The following MEP1A variants were observed in gnomAD, a reference collection of about 807,000 sequenced individuals.
MEP1A encodes the protein meprin A subunit alpha.
Under a neutral mutation model 84.5 loss-of-function variants are expected in MEP1A, and 68 were observed. The ratio of observed to expected loss-of-function variants is 0.80; its 90% confidence interval spans 0.66 to 0.98. The LOEUF is 0.98. MEP1A is among the 50% of genes least tolerant of loss of function. The probability of loss-of-function intolerance (pLI) is 0.00; values close to 1 mark genes in which losing one functional copy is unlikely to be tolerated. For missense variants in MEP1A, 887 were observed against 919.9 expected, an observed-to-expected ratio of 0.96 and a Z score of 0.46; for synonymous variants, 337 against 336.8, an observed-to-expected ratio of 1.00 and a Z score of -0.01.
chr6:46,807,582 AAGGAAGG>A (rs1767369083), intron 5 of MEP1A, among the ~76,000 whole-genome samples: 10 of 83,444 alleles, frequency 1.2e-4, no homozygotes, highest in African/African-American at 5.5e-4. Flanking sequence ...GGAAGGAAGG[AAGGAAGG>A]AAGGAAGGAA....
intron 10 of MEP1A, among the ~76,000 whole-genome samples, chr6:46,831,172 A>C (rs1219779177): frequency 6.6e-6 from 1 of 152,182 alleles, no homozygotes; most frequent in Non-Finnish European, 1.5e-5. Context: ...GAAACTTTTC[A>C]AAAAGGTTAG....
Position 46,825,265 on chromosome 6 carries a change from C to T in MEP1A, c.557-7C>T. On this transcript the variant is annotated splice_polypyrimidine_tract_variant and splice_region_variant and intron_variant, in intron 7 of 13. Transcript: ENST00000230588. ...TGAGAAGGACCTGTGGATTCTCTCC[C>T]TAACAGGTTACCAGCACAACTTTGA... 6.3e-7 allele frequency: 1 copy of T among 1,596,896 alleles called. No individual in the cohort carries two copies. The highest frequency in any genetic ancestry group is 1.7e-5 in the Admixed American group (1 of 59,170).
intron 5 of MEP1A, 55 bp from the exon 6 acceptor site, chr6:46,809,365 A>C: frequency 9.1e-7 from 1 of 1,096,172 alleles, no homozygotes; most frequent in Non-Finnish European, 1.4e-6. Flanking sequence ...TATAAGTTAT[A>C]GATATTATCT....
chr6:46,808,641 A>G (rs1211582441), intron 5 of MEP1A, among the ~76,000 whole-genome samples: 1 of 152,042 alleles, frequency 6.6e-6, no homozygotes, highest in Non-Finnish European at 1.5e-5. Flanking sequence ...TTACAATGCC[A>G]AAGTGCATGC....
chr6:46,818,264 A>G (rs1223248366), intron 6 of MEP1A, among the ~76,000 whole-genome samples: 1 of 152,174 alleles, frequency 6.6e-6, no homozygotes, highest in Non-Finnish European at 1.5e-5. Context: ...TTATTAGAAA[A>G]TAAATAACTA....
At chr6:46,844,959 T>C in the MEP1A span, among the ~76,000 whole-genome samples, 1 of 152,150 alleles carries the variant, frequency 6.6e-6, no homozygotes, top group Non-Finnish European at 1.5e-5. Flanking sequence ...AGCTGATGTT[T>C]TTAAAGTGTG....
At chr6:46,842,625 G>A (rs1281999211), downstream of MEP1A, among the ~76,000 whole-genome samples, 1 of 152,164 alleles carries the variant, frequency 6.6e-6, no homozygotes, top group Non-Finnish European at 1.5e-5. Flanking sequence ...TACGTGCACA[G>A]TGGGACATAG....
chr6:46,842,466 T>A (rs113005192), downstream of MEP1A, among the ~76,000 whole-genome samples: 1 of 152,178 alleles, frequency 6.6e-6, no homozygotes, highest in Non-Finnish European at 1.5e-5. Context: ...GTCTGTCTTA[T>A]GCAGTTGAGA....
chr6:46,793,716 G>A lies in MEP1A; in HGVS notation c.145G>A (p.Ala49Thr). Residue 49 changes from alanine (A) to threonine (T), a missense_variant and splice_region_variant, in exon 3 of 14, where the codon GCT becomes ACT. By Grantham distance (58) the Ala-to-Thr change is moderately conservative. Coordinates refer to ENST00000230588, the MANE Select transcript of MEP1A (RefSeq NM_005588.3). The stretch of plus-strand genomic sequence containing the variant: ...GAAGGATATTTCAGAAATCAATTTA[G>A]GTGAGTTCAATTTTTGTGTTATTAA... ...EQKDISEINL[A>T]AGLDLFQGDI... The A allele has an allele frequency of 6.2e-7, 1 of 1,604,784 alleles. No homozygotes were observed. Among genetic ancestry groups the A allele is most frequent in the Non-Finnish European group, 8.5e-7 (1 of 1,172,648 alleles).
At chr6:46,802,995 T>G (rs1001924022) in intron 5 of MEP1A, among the ~76,000 whole-genome samples, 4 of 151,738 alleles carry the variant, frequency 2.6e-5, no homozygotes, top group Admixed American at 2.6e-4. Context: ...ATATCTTTAT[T>G]AGGCTTTAGT....
intron 6 of MEP1A, among the ~76,000 whole-genome samples, chr6:46,816,290 A>G (rs1767633190): frequency 6.6e-6 from 1 of 152,090 alleles, no homozygotes; most frequent in African/African-American, 2.4e-5. Flanking sequence ...TTGCACACCT[A>G]CTACATTCCA....
chr6:46,813,113 T>G (rs1331581866), intron 6 of MEP1A, among the ~76,000 whole-genome samples: 1 of 152,042 alleles, frequency 6.6e-6, no homozygotes, highest in Non-Finnish European at 1.5e-5. Flanking sequence ...ATTTCTTAGG[T>G]CTAGTAGTAA....
downstream of MEP1A, among the ~76,000 whole-genome samples, chr6:46,840,678 C>G (rs1267308165): frequency 2.0e-5 from 3 of 152,244 alleles, no homozygotes; most frequent in African/African-American, 7.2e-5. Flanking sequence ...TAATAGCTGA[C>G]TATCTCCTTC....
intron 5 of MEP1A, among the ~76,000 whole-genome samples, chr6:46,808,183 G>A (rs1030635036): frequency 6.6e-6 from 1 of 151,772 alleles, no homozygotes; most frequent in African/African-American, 2.4e-5. Context: ...CAGCTACCTT[G>A]GGTACATCTC....
intron 5 of MEP1A, among the ~76,000 whole-genome samples, chr6:46,807,807 GAA>G (rs1562107071): frequency 6.7e-6 from 1 of 148,682 alleles, no homozygotes; most frequent in Non-Finnish European, 1.5e-5. Flanking sequence ...AAGAAAGAAA[GAA>G]AGAAAGAAAG....
chr6:46,807,803 G>A (rs1030438097), intron 5 of MEP1A, among the ~76,000 whole-genome samples: 1 of 147,484 alleles, frequency 6.8e-6, no homozygotes, highest in African/African-American at 2.5e-5. Flanking sequence ...AAGAAAGAAA[G>A]AAAGAAAGAA....
At chr6:46,843,165 C>A (rs1357138682), downstream of MEP1A, among the ~76,000 whole-genome samples, 1 of 152,198 alleles carries the variant, frequency 6.6e-6, no homozygotes, top group East Asian at 1.9e-4. Context: ...CTGTTCTCTG[C>A]ATTGTGATAT....
chr6:46,816,217 C>T (rs181435430), intron 6 of MEP1A, among the ~76,000 whole-genome samples: 111 of 152,206 alleles, frequency 7.3e-4, no homozygotes, highest in African/African-American at 2.5e-3. Context: ...GGATTACAGG[C>T]GTGAGCCACC....
chr6:46,825,610 A>T, intron 8 of MEP1A, 117 bp downstream of exon 8: 1 of 729,544 alleles, frequency 1.4e-6, no homozygotes, highest in Non-Finnish European at 2.2e-6. Flanking sequence ...CTAAAAGAAT[A>T]AGAACAAACT....
Sources: allele counts gnomAD v4.1 joint callset (sites outside exome capture counted in the v4.1 genomes callset), GRCh38; gene constraint gnomAD v4.1.1; transcripts MANE v1.5; gene names NCBI Gene and HGNC (gene_info 2026-07-23, HGNC 2026-07-21).